Variants in CTNNA2 observed in about 807,000 individuals in gnomAD.
CTNNA2 encodes the protein catenin alpha 2, also known as catenin alpha-2.
A neutral mutation model predicts 101.0 loss-of-function variants in CTNNA2; 42 were observed. The ratio of observed to expected loss-of-function variants is 0.42; its 90% CI spans 0.32 to 0.54. CTNNA2 has a LOEUF of 0.54. CTNNA2 is among the 20% of genes least tolerant of loss of function. The pLI is 0.14. For synonymous variants in CTNNA2, 450 were observed against 456.4 expected, an observed-to-expected ratio of 0.99 and a Z score of 0.18; for missense variants, 871 against 1,223.1, an observed-to-expected ratio of 0.71 and a Z score of 4.29.
chr2:80,264,940 A>G (rs1672888647), intron 7 of CTNNA2, among the ~76,000 whole-genome samples: 1 of 151,392 alleles, frequency 6.6e-6, no homozygotes, highest in Non-Finnish European at 1.5e-5. Context: ...ACTTTAGTTT[A>G]TCAATGAGAA....
chr2:79,779,412 G>T (rs1674253832), intron 3 of CTNNA2, among the ~76,000 whole-genome samples: 1 of 152,134 alleles, frequency 6.6e-6, no homozygotes, highest in South Asian at 2.1e-4. Context: ...CAGTGGGAGG[G>T]TGCGGATGGC....
At chr2:79,541,621 A>G (rs1673426604) in intron 1 of CTNNA2, among the ~76,000 whole-genome samples, 1 of 149,408 alleles carries the variant, frequency 6.7e-6, no homozygotes, top group Admixed American at 6.7e-5. Flanking sequence ...CATTTCCCCA[A>G]TCTTCATAAT....
intron 2 of CTNNA2, among the ~76,000 whole-genome samples, chr2:79,303,316 C>T (rs918870493): frequency 2.6e-5 from 4 of 152,100 alleles, no homozygotes; most frequent in Non-Finnish European, 4.4e-5. Flanking sequence ...AGGGACACCC[C>T]GAAACAATCT....
chr2:79,460,049 G>A (rs560780837), intron 4 of CTNNA2, among the ~76,000 whole-genome samples: 1 of 152,040 alleles, frequency 6.6e-6, no homozygotes, highest in Non-Finnish European at 1.5e-5. Context: ...GTCTTCTTTT[G>A]TCATCTTTCC....
rs539845706 is a variant in CTNNA2 at position 79,886,110 on chromosome 2, G to A, written c.852+11768G>A. 6.1e-4 allele frequency among the ~76,000 whole-genome samples: 93 copies of A among 152,290 alleles called. 2 individuals carry two copies. The highest frequency in any genetic ancestry group is 2.1e-3 in the African/African-American group (86 of 41,544). ...CATAAATGCTGCTGCATACGCTTACGTATATAGTATCCACTTAACCTATTA... is the reference window on the plus strand; with the variant it reads ...CATAAATGCTGCTGCATACGCTTACATATATAGTATCCACTTAACCTATTA... On this transcript the variant is annotated intron_variant, in intron 6 of 18. Coordinates refer to ENST00000402739, the MANE Select transcript of CTNNA2 (RefSeq NM_001282597.3).
chr2:80,548,713 G>A (rs1279713251), intron 11 of CTNNA2, among the ~76,000 whole-genome samples: 1 of 152,234 alleles, frequency 6.6e-6, no homozygotes, highest in African/African-American at 2.4e-5. Context: ...GCACCTTTCC[G>A]CAGACGGGGT....
At chr2:80,622,834 T>G (rs1671270597) in intron 18 of CTNNA2, among the ~76,000 whole-genome samples, 1 of 151,010 alleles carries the variant, frequency 6.6e-6, no homozygotes, top group Non-Finnish European at 1.5e-5. Flanking sequence ...ACCTAGCCCC[T>G]TTACCAGATT....
intron 4 of CTNNA2, among the ~76,000 whole-genome samples, chr2:79,437,028 G>T (rs766908655): frequency 6.6e-6 from 1 of 152,020 alleles, no homozygotes; most frequent in Non-Finnish European, 1.5e-5. Flanking sequence ...GAGGTCAGGA[G>T]TTTGAGAGTA....
chr2:80,021,715 A>AT (rs5832430), intron 7 of CTNNA2, among the ~76,000 whole-genome samples: 9,272 of 146,242 alleles, frequency 0.063, 761 homozygotes, highest in African/African-American at 0.21. Context: ...CACACTTATC[A>AT]TTTTTTTTTG....
intron 3 of CTNNA2, among the ~76,000 whole-genome samples, chr2:79,328,614 G>A (rs753144731): frequency 5.3e-5 from 8 of 152,074 alleles, no homozygotes; most frequent in African/African-American, 1.2e-4. Context: ...GGATGATAAC[G>A]AAAAACACTA....
At chr2:79,843,495 G>A (rs953556499) in intron 3 of CTNNA2, among the ~76,000 whole-genome samples, 9 of 152,174 alleles carry the variant, frequency 5.9e-5, no homozygotes, top group East Asian at 5.8e-4. Context: ...CATTGTCCCC[G>A]TCCAGTATGT....
intron 1 of CTNNA2, among the ~76,000 whole-genome samples, chr2:79,518,294 A>T (rs114343499): frequency 0.024 from 3,639 of 152,292 alleles, 126 homozygotes; most frequent in African/African-American, 0.083. Context: ...GAGATACATT[A>T]AATAAGATCC....
intron 7 of CTNNA2, among the ~76,000 whole-genome samples, chr2:79,992,347 A>C (rs1396320976): frequency 6.6e-6 from 1 of 152,232 alleles, no homozygotes; most frequent in Non-Finnish European, 1.5e-5. Flanking sequence ...AAAATTAGAC[A>C]TACTTAATAT....
intron 7 of CTNNA2, among the ~76,000 whole-genome samples, chr2:79,976,857 A>C (rs1375016065): frequency 2.0e-5 from 3 of 152,158 alleles, no homozygotes; most frequent in Non-Finnish European, 4.4e-5. Flanking sequence ...TGCCCTCTTA[A>C]AGAAAAAGGG....
chr2:80,496,405 T>C (rs979367360), intron 9 of CTNNA2, among the ~76,000 whole-genome samples: 14 of 151,728 alleles, frequency 9.2e-5, no homozygotes, highest in African/African-American at 2.7e-4. Context: ...CTTTTTTTTT[T>C]TTTTTTTTTA....
intron 7 of CTNNA2, among the ~76,000 whole-genome samples, chr2:80,045,133 CA>C (rs1008079679): frequency 6.6e-6 from 1 of 152,162 alleles, no homozygotes; most frequent in Admixed American, 6.5e-5. Flanking sequence ...TAGAATGTCC[CA>C]AGGGGGCCAG....
At chr2:79,290,352 C>G (rs750704966) in intron 2 of CTNNA2, among the ~76,000 whole-genome samples, 1 of 152,098 alleles carries the variant, frequency 6.6e-6, no homozygotes, top group African/African-American at 2.4e-5. Flanking sequence ...GATACTGATA[C>G]GGGAGCGGGG....
intron 1 of CTNNA2, among the ~76,000 whole-genome samples, chr2:79,626,184 A>T (rs185519068): frequency 2.8e-4 from 43 of 152,308 alleles, no homozygotes; most frequent in African/African-American, 1.0e-3. Flanking sequence ...TTAATAGAAC[A>T]CAGCAAGTGG....
At chr2:79,647,988 C>T (rs963952497) in intron 1 of CTNNA2, among the ~76,000 whole-genome samples, 13 of 152,150 alleles carry the variant, frequency 8.5e-5, no homozygotes, top group Non-Finnish European at 1.5e-5. Context: ...TTCCAAATGT[C>T]TACTCACGTC....
Sources: gnomAD v4.1 joint callset for allele counts (sites outside exome capture counted in the v4.1 genomes callset) on GRCh38, gnomAD v4.1.1 for gene constraint, MANE v1.5 for transcripts, NCBI Gene and HGNC (gene_info 2026-07-23, HGNC 2026-07-21) for gene names.